The following TRRAP variants were observed in gnomAD, a reference collection of about 807,000 sequenced individuals.
TRRAP encodes the protein transformation/transcription domain associated protein, also known as transformation/transcription domain-associated protein.
Under a neutral mutation model 438.8 loss-of-function variants are expected in TRRAP, and 41 were observed. That is an observed-to-expected ratio of 0.09 (90% confidence interval 0.07 to 0.12). The LOEUF (loss-of-function observed/expected upper bound fraction) is 0.12. TRRAP is among the 10% of genes least tolerant of loss of function. The probability of loss-of-function intolerance (pLI) is 1.00; values close to 1 mark genes in which losing one functional copy is unlikely to be tolerated. For missense variants in TRRAP, 3,122 were observed against 5,055.1 expected (o/e 0.62, Z 11.60); for synonymous variants, 1,994 against 1,962.9 (o/e 1.02, Z -0.42).
rs1293091723 is a variant in TRRAP, at chr7:98,965,903, G to A, written c.7176+8G>A. The stretch of plus-strand genomic sequence containing the variant: ...CCAATGGCAGCCAATCAGGTGAGCT[G>A]GGACGGTGTGCCATGTGATCTCCCT... On this transcript the variant is annotated splice_region_variant and intron_variant, in intron 49 of 72. Transcript: ENST00000456197. The A allele has an allele frequency of 4.3e-6, 7 of 1,613,982 alleles. No homozygotes were observed. The highest frequency in any genetic ancestry group is 5.9e-6 in the Non-Finnish European group (7 of 1,179,928).
intron 64 of TRRAP, 95 bp downstream of exon 64, chr7:98,990,714 A>G (rs543669360): frequency 5.7e-6 from 8 of 1,392,378 alleles, no homozygotes; most frequent in African/African-American, 2.9e-5. Context: ...TGAGTGTTCA[A>G]AGTATTAAAA....
At chr7:98,898,332 A>G (rs1796316946) in intron 8 of TRRAP, among the ~76,000 whole-genome samples, 1 of 152,184 alleles carries the variant, frequency 6.6e-6, no homozygotes, top group African/African-American at 2.4e-5. Flanking sequence ...TCATTATCTG[A>G]AAAACCTGTC....
At chr7:98,894,913 G>C (rs1324512015) in intron 6 of TRRAP, among the ~76,000 whole-genome samples, 1 of 150,938 alleles carries the variant, frequency 6.6e-6, no homozygotes, top group African/African-American at 2.4e-5. Context: ...TGGGATTACA[G>C]GCATGAACCG....
chr7:98,943,414 C>T (rs1025639424), intron 31 of TRRAP, among the ~76,000 whole-genome samples: 4 of 152,032 alleles, frequency 2.6e-5, no homozygotes, highest in African/African-American at 9.7e-5. Context: ...ACGGGGTGGT[C>T]GGTAAATGTG....
In TRRAP at chr7:99,011,009, A is replaced by T; in HGVS notation, c.10939-43A>T. ...TGAGAATTTTTCTTTTCCAAAAAAA[A>T]TCAGTGAGTGAGATGGGAGTGTCAC... is the stretch of plus-strand genomic sequence containing the variant. On this transcript the variant is annotated intron_variant, in intron 70 of 72. Transcript: ENST00000456197. The surrounding 1 kb of genome is among the most constrained non-coding windows in gnomAD (Gnocchi z 7.1). 1.9e-6 allele frequency: 3 copies of T among 1,571,078 alleles called. No homozygotes were observed. The South Asian group carries it at 3.4e-5, about 18-fold the overall frequency.
At position 98,983,260 on chromosome 7, in the gene TRRAP, T is replaced by A; in HGVS notation, c.8827-4T>A. ...CGCAGAGTCTCTTATGCTGGTCCCATCAGGCAGCCCAGCAAATCATCGAAC... is the reference window on the plus strand; with the variant it reads ...CGCAGAGTCTCTTATGCTGGTCCCAACAGGCAGCCCAGCAAATCATCGAAC... On this transcript the variant is annotated splice_region_variant and splice_polypyrimidine_tract_variant and intron_variant, in intron 59 of 72. Coordinates refer to ENST00000456197, the MANE Select transcript of TRRAP (RefSeq NM_001375524.1). 1 of 1,609,736 alleles carries A rather than the reference T, an allele frequency of 6.2e-7. No homozygotes were observed.
Position 98,930,059 on chromosome 7 carries a change from T to C in TRRAP, c.3246T>C (p.Asn1082=), listed in dbSNP as rs200933520. The change falls in exon 24 of 73, where the codon AAT becomes AAC. Residue 1082 remains asparagine, a synonymous_variant. Transcript: ENST00000456197. ...CAGCCATGTTTCACAGTGAAGAAAA[T>C]GGCTCGAAAGGAATGGATCCTTTGG... ...PSTAMFHSEE[N]GSKGMDPLVL... is the part of the protein sequence containing the mutation. The C allele has an allele frequency of 6.8e-6, 11 of 1,614,152 alleles. No homozygotes were observed. Among genetic ancestry groups the C allele is most frequent in the East Asian group, 2.2e-5 (1 of 44,884 alleles).
In TRRAP at chr7:99,011,001, C is replaced by CA. The variant is rs761723485; in HGVS notation, c.10939-43dup. The CA allele has an allele frequency of 1.1e-5, 17 of 1,547,044 alleles. No homozygotes were observed. Among genetic ancestry groups the CA allele is most frequent in the Admixed American group, 5.7e-5 (3 of 52,432 alleles). On this transcript the variant is annotated intron_variant, in intron 70 of 72. Coordinates refer to ENST00000456197, the MANE Select transcript of TRRAP (RefSeq NM_001375524.1). This position sits in a 1 kb window ranked among gnomAD's most constrained non-coding sequence, Gnocchi z 7.1. ...TTGCAATTTGAGAATTTTTCTTTTCCAAAAAAAATCAGTGAGTGAGATGGG... is the reference window on the plus strand; with the variant it reads ...TTGCAATTTGAGAATTTTTCTTTTCCAAAAAAAAATCAGTGAGTGAGATGGG...
intron 4 of TRRAP, among the ~76,000 whole-genome samples, chr7:98,891,204 T>TATATATA (rs71799326): frequency 1.2e-3 from 86 of 70,260 alleles, no homozygotes; most frequent in Admixed American, 2.0e-3. Context: ...TATATATATA[T>TATATATA]TTTTTTTTTT....
rs72517544 is a variant in TRRAP at position 98,992,560 on chromosome 7, CGTGT to C, written c.9847+358_9847+361del. 4.2e-3 allele frequency among the ~76,000 whole-genome samples: 625 copies of C among 149,188 alleles called. 4 individuals are homozygous for C. The highest frequency in any genetic ancestry group is 0.013 in the African/African-American group (518 of 40,516). ...CCAATACACAGCAGATGCCAGCTGC[CGTGT>C]GTGTGTGTGTGTGTGTGTGTGTGTT... On this transcript the variant is annotated intron_variant, in intron 65 of 72. Coordinates refer to ENST00000456197, the MANE Select transcript of TRRAP (RefSeq NM_001375524.1).
chr7:98,972,074 G>A (rs1367594932), intron 53 of TRRAP, 129 bp downstream of exon 53: 1 of 1,300,638 alleles, frequency 7.7e-7, no homozygotes, highest in Non-Finnish European at 1.0e-6. Context: ...ATGGGATGTT[G>A]CTTTGTCACC....
At chr7:98,925,020 T>C in intron 21 of TRRAP, 92 bp from the exon 22 acceptor site, 1 of 1,461,304 alleles carries the variant, frequency 6.8e-7, no homozygotes, top group Non-Finnish European at 9.1e-7. Context: ...AAAAAAAAGA[T>C]TCTTCTGGGT....
intron 31 of TRRAP, 76 bp from the exon 32 acceptor site, chr7:98,945,671 C>G (rs1791019688): frequency 3.2e-6 from 5 of 1,546,974 alleles, no homozygotes; most frequent in Non-Finnish European, 3.5e-6. Flanking sequence ...ATAACCCTTA[C>G]TGTGTTTGAG....
rs549997029 is a variant in TRRAP at position 98,989,474 on chromosome 7, C to T, written c.9591+508C>T. 1.6e-4 allele frequency among the ~76,000 whole-genome samples: 25 copies of T among 152,366 alleles called. No individual in the cohort carries two copies. The South Asian group carries it at 5.2e-3, about 32-fold the overall frequency. ...CTCAGGTTCCCCCTTCATGTGGCTT[C>T]CTGTCTTCCCCCAAGAAGCAGACAA... On this transcript the variant is annotated intron_variant, in intron 63 of 72. Coordinates refer to ENST00000456197, the MANE Select transcript of TRRAP (RefSeq NM_001375524.1).
rs55715417 is a variant in TRRAP, at chr7:98,925,144, C to T, written c.2856C>T (p.Ser952=). Residue 952 remains serine, a synonymous_variant, in exon 22 of 73, where the codon AGC becomes AGT. Transcript: ENST00000456197. ...AIETALDCLK[S]ANTEPYYRRQ... ...AAACTGCTCTGGACTGCCTGAAAAGCGCCAACACTGAGCCCTACTACCGGA... is the reference window on the plus strand; with the variant it reads ...AAACTGCTCTGGACTGCCTGAAAAGTGCCAACACTGAGCCCTACTACCGGA... The T allele has an allele frequency of 8.2e-5, 133 of 1,614,084 alleles. 3 individuals are homozygous for T. The East Asian group carries it at 9.1e-4, about 11-fold the overall frequency.
chr7:98,993,888 C>T lies in TRRAP; in HGVS notation c.10047+151C>T, dbSNP rs1052030432. ...AACCATGGACCAGGCAAATAGCTAT[C>T]TCTGCACACTAGTACAGCCTTAAAG... On this transcript the variant is annotated intron_variant, in intron 66 of 72. Coordinates refer to ENST00000456197, the MANE Select transcript of TRRAP (RefSeq NM_001375524.1). 40 of 729,402 alleles carry T rather than the reference C, an allele frequency of 5.5e-5. 1 individual carries two copies. The highest frequency in any genetic ancestry group is 8.4e-5 in the Non-Finnish European group (37 of 440,770). 45.2% of individuals were successfully genotyped at this position (729,402 alleles called of 1,614,324 possible).
At chr7:98,944,534 G>A (rs1790953720) in intron 31 of TRRAP, among the ~76,000 whole-genome samples, 1 of 152,032 alleles carries the variant, frequency 6.6e-6, no homozygotes, top group Non-Finnish European at 1.5e-5. Context: ...GAGGTTGGCC[G>A]CTTGTCTGAA....
chr7:98,928,439 C>T (rs1246122751), intron 23 of TRRAP, among the ~76,000 whole-genome samples: 4 of 152,184 alleles, frequency 2.6e-5, no homozygotes, highest in African/African-American at 4.8e-5. Flanking sequence ...GAATTTTCCC[C>T]TTTAACTTTT....
intron 39 of TRRAP, 152 bp downstream of exon 39, chr7:98,951,156 GT>G: frequency 2.0e-6 from 2 of 1,025,490 alleles, no homozygotes; most frequent in East Asian, 6.1e-5. Flanking sequence ...GATTGTGTTA[GT>G]TTTTAGCAGA....
Sources: allele counts gnomAD v4.1 joint callset (sites outside exome capture counted in the v4.1 genomes callset), GRCh38; gene constraint gnomAD v4.1.1; non-coding constraint Gnocchi (gnomAD v3.1); transcripts MANE v1.5; gene names NCBI Gene and HGNC (gene_info 2026-07-23, HGNC 2026-07-21).